The following NUP210 variants were observed in gnomAD, a reference collection of about 807,000 sequenced individuals.
The protein encoded by NUP210 is nuclear pore membrane glycoprotein 210.
NUP210 carries 151 observed loss-of-function variants against 196.0 expected under a neutral mutation model. The observed-to-expected ratio is 0.77, with a 90% CI of 0.67 to 0.88. The LOEUF is 0.88. Ranked by LOEUF, NUP210 falls within the 40% of genes least tolerant of loss-of-function variation. NUP210 has a pLI of 0.00. For synonymous variants in NUP210, 1,070 were observed against 1,052.7 expected (o/e 1.02, Z -0.32); for missense variants, 2,314 against 2,493.7 (o/e 0.93, Z 1.53).
chr3:13,375,404 A>G (rs1698866000), intron 11 of NUP210, 100 bp downstream of exon 11: 4 of 1,126,196 alleles, frequency 3.6e-6, no homozygotes, highest in Middle Eastern at 2.1e-4. Context: ...ATTCTCCACA[A>G]CCACTAGAGA....
In NUP210 at chr3:13,390,644, G is replaced by C. The variant is rs375243086; in HGVS notation, c.533+567C>G. Among the ~76,000 whole-genome samples the C allele has an allele frequency of 3.5e-3, 538 of 152,338 alleles. 4 individuals carry two copies. The highest frequency in any genetic ancestry group is 0.01 in the African/African-American group (418 of 41,576). On this transcript the variant is annotated intron_variant, in intron 4 of 39. Coordinates refer to ENST00000254508, the MANE Select transcript of NUP210 (RefSeq NM_024923.4). ...CAGACTCCAGCTCTGTCCTCCCGGA[G>C]CTCAGACAAGCGGCTCGGCCTCTCC... is the stretch of plus-strand genomic sequence containing the variant.
At chr3:13,365,608 A>T (rs1336237128) in intron 14 of NUP210, among the ~76,000 whole-genome samples, 5 of 151,688 alleles carry the variant, frequency 3.3e-5, no homozygotes, top group Admixed American at 2.0e-4. Flanking sequence ...GAGCAGAAGC[A>T]CTCCCCTGTT....
chr3:13,348,587 T>C lies in NUP210; in HGVS notation c.2835+3292A>G. ...AGATGTAAGATTCTCTTCACTCGCA[T>C]GGCTGGAGGAAGAGCTGGGGAATTG... is the stretch of plus-strand genomic sequence containing the variant. On this transcript the variant is annotated intron_variant, in intron 20 of 39. Coordinates refer to ENST00000254508, the MANE Select transcript of NUP210 (RefSeq NM_024923.4). The surrounding 1 kb of genome is among the most constrained non-coding windows in gnomAD (Gnocchi z 4.0). 1.0e-6 allele frequency: 1 copy of C among 985,382 alleles called. No individual in the cohort carries two copies. Among genetic ancestry groups the C allele is most frequent in the Non-Finnish European group, 1.2e-6 (1 of 829,850 alleles). The allele number at this position is 985,382 out of a possible 1,614,324, so 61.0% of individuals were successfully genotyped here.
Position 13,335,710 on chromosome 3 carries a change from C to G in NUP210, c.3685-98G>C, listed in dbSNP as rs561303612. ...AGTAGCCCCAGACCCCCCAGCCCCC[C>G]AGTCCTGGTAGCTGCTGGCCTGTTC... On this transcript the variant is annotated intron_variant, in intron 27 of 39. Transcript: ENST00000254508. 5.9e-6 allele frequency: 8 copies of G among 1,356,194 alleles called. No individual in the cohort carries two copies. In the East Asian group the frequency reaches 7.2e-5, roughly 12 times the overall value. 84.0% of individuals were successfully genotyped at this position (1,356,194 alleles called of 1,614,324 possible).
At chr3:13,351,206 T>G (rs1435395652) in intron 20 of NUP210, among the ~76,000 whole-genome samples, 2 of 152,100 alleles carry the variant, frequency 1.3e-5, no homozygotes, top group Non-Finnish European at 2.9e-5. Context: ...ACAGCTAAAG[T>G]CAATGCTTGC....
intron 4 of NUP210, among the ~76,000 whole-genome samples, 179 bp from the exon 5 acceptor site, chr3:13,388,632 A>C (rs1307194897): frequency 2.0e-5 from 3 of 152,216 alleles, no homozygotes; most frequent in Non-Finnish European, 4.4e-5. Context: ...CCTACATCAG[A>C]ACTGCCAAAG....
chr3:13,393,814 T>C (rs1699565670), intron 3 of NUP210, among the ~76,000 whole-genome samples: 1 of 152,176 alleles, frequency 6.6e-6, no homozygotes, highest in Non-Finnish European at 1.5e-5. Flanking sequence ...CCTTGAAGCC[T>C]CACAGCCAAG....
Position 13,397,450 on chromosome 3 carries a change from G to C in NUP210, c.343C>G (p.Leu115Val). 1 of 1,612,660 alleles carries C rather than the reference G, an allele frequency of 6.2e-7. No homozygotes were observed. The highest frequency in any genetic ancestry group is 8.5e-7 in the Non-Finnish European group (1 of 1,179,392). ...QVLRCDAIVD[L>V]IHDIQIVSTT... Reference sequence around the variant, plus strand: ...GAGACGATCTGGATGTCATGGATGAGGTCCACAATGGCATCACAGCGCAGG... The same window carrying C: ...GAGACGATCTGGATGTCATGGATGACGTCCACAATGGCATCACAGCGCAGG... The change falls in exon 3 of 40, where the codon CTC (leucine) becomes GTC (valine). Residue 115 changes from leucine to valine, a missense_variant. Transcript: ENST00000254508.
At chr3:13,367,667 C>G (rs953211602) in intron 13 of NUP210, among the ~76,000 whole-genome samples, 1 of 152,192 alleles carries the variant, frequency 6.6e-6, no homozygotes, top group Non-Finnish European at 1.5e-5. Flanking sequence ...ATAAAGGGAA[C>G]CATGGGCATA....
rs1304999133 is a variant in NUP210 at position 13,411,052 on chromosome 3, AAATAAT to A, written c.167+9002_167+9007del. Reference sequence around the variant, plus strand: ...ACCTGTGCAATAGTGAGTCTCTAAAAAATAATAATAATAAATAAAAATTTTAAAAAT... The same window carrying A: ...ACCTGTGCAATAGTGAGTCTCTAAAAAATAATAAATAAAAATTTTAAAAAT... On this transcript the variant is annotated intron_variant, in intron 1 of 39. Coordinates refer to ENST00000254508, the MANE Select transcript of NUP210 (RefSeq NM_024923.4). 2.6e-5 allele frequency among the ~76,000 whole-genome samples: 4 copies of A among 152,082 alleles called. No individual in the cohort carries two copies. In the South Asian group the frequency reaches 8.3e-4, roughly 32 times the overall value.
chr3:13,405,937 T>G (rs192132113), intron 1 of NUP210, among the ~76,000 whole-genome samples: 1 of 152,368 alleles, frequency 6.6e-6, no homozygotes, highest in East Asian at 1.9e-4. Flanking sequence ...AGACTCATTA[T>G]GCATTTTAAC....
chr3:13,404,302 G>C (rs887079825), intron 1 of NUP210, among the ~76,000 whole-genome samples: 1 of 152,186 alleles, frequency 6.6e-6, no homozygotes, highest in African/African-American at 2.4e-5. Context: ...AGAGGGAAAG[G>C]TTTGCACCAA....
chr3:13,363,284 G>T (rs933843273), intron 14 of NUP210, among the ~76,000 whole-genome samples: 2 of 152,148 alleles, frequency 1.3e-5, no homozygotes, highest in African/African-American at 4.8e-5. Flanking sequence ...GTGGGCCCGG[G>T]TCTGTTCTGA....
chr3:13,402,799 G>A (rs934244402), intron 1 of NUP210, among the ~76,000 whole-genome samples: 2 of 152,202 alleles, frequency 1.3e-5, no homozygotes, highest in African/African-American at 4.8e-5. Flanking sequence ...AGAAAGTATA[G>A]ATTTCCCATA....
intron 20 of NUP210, 42 bp from the exon 21 acceptor site, chr3:13,343,345 A>C (rs751217202): frequency 4.0e-5 from 64 of 1,596,684 alleles, no homozygotes; most frequent in Non-Finnish European, 5.2e-5. Flanking sequence ...GTGGTGGGTT[A>C]CGCAGCTGCA....
Position 13,350,012 on chromosome 3 carries a change from AGT to A in NUP210, c.2835+1865_2835+1866del. Among the ~76,000 whole-genome samples, 1 of 152,336 alleles carries A rather than the reference AGT, an allele frequency of 6.6e-6. No individual in the cohort carries two copies. The highest frequency in any genetic ancestry group is 1.9e-4 in the East Asian group (1 of 5,186). On this transcript the variant is annotated intron_variant, in intron 20 of 39. Transcript: ENST00000254508. The surrounding 1 kb of genome is among the most constrained non-coding windows in gnomAD (Gnocchi z 4.1). ...TGTGCCCCAGGGAATTACTGAAGAC[AGT>A]GGAGCAATCAGCCTCAATTAGTGCA...
At chr3:13,408,044 G>C (rs1700053704) in intron 1 of NUP210, among the ~76,000 whole-genome samples, 1 of 152,126 alleles carries the variant, frequency 6.6e-6, no homozygotes, top group Non-Finnish European at 1.5e-5. Context: ...CATCACTGAG[G>C]GGGCACTGTG....
intron 18 of NUP210, among the ~76,000 whole-genome samples, chr3:13,352,930 G>T (rs1698031425): frequency 6.6e-6 from 1 of 151,986 alleles, no homozygotes; most frequent in Admixed American, 6.5e-5. Context: ...TATGGGGGGT[G>T]GGGGGACATC....
chr3:13,343,434 G>T, intron 20 of NUP210, 131 bp from the exon 21 acceptor site: 1 of 1,183,364 alleles, frequency 8.5e-7, no homozygotes, highest in Non-Finnish European at 1.2e-6. Flanking sequence ...GCCAGTGGCA[G>T]AGCCCGCCAG....
Sources: allele counts gnomAD v4.1 joint callset (sites outside exome capture counted in the v4.1 genomes callset), GRCh38; gene constraint gnomAD v4.1.1; non-coding constraint Gnocchi (gnomAD v3.1); transcripts MANE v1.5; gene names NCBI Gene and HGNC (gene_info 2026-07-23, HGNC 2026-07-21).